The following GLI3 variants were observed in gnomAD, a reference collection of about 807,000 sequenced individuals.
The protein encoded by GLI3 is transcription activator GLI3.
Under a neutral mutation model 100.8 loss-of-function variants are expected in GLI3, and 20 were observed. The ratio of observed to expected loss-of-function variants is 0.20; its 90% CI spans 0.14 to 0.29. The LOEUF is 0.29. Ranked by LOEUF, GLI3 falls within the 10% of genes least tolerant of loss-of-function variation. The pLI is 1.00. For missense variants in GLI3, 2,040 were observed against 2,128.5 expected, an observed-to-expected ratio of 0.96 and a Z score of 0.82; for synonymous variants, 938 against 860.5, an observed-to-expected ratio of 1.09 and a Z score of -1.58.
At chr7:42,000,264 A>T (rs1583774737) in intron 10 of GLI3, among the ~76,000 whole-genome samples, 1 of 152,238 alleles carries the variant, frequency 6.6e-6, no homozygotes, top group Non-Finnish European at 1.5e-5. Context: ...ATCCAGGACA[A>T]AAGAAAGAGG....
At chr7:42,234,243 A>G (rs1335780788) in intron 1 of GLI3, among the ~76,000 whole-genome samples, 1 of 152,210 alleles carries the variant, frequency 6.6e-6, no homozygotes, top group African/African-American at 2.4e-5. Context: ...TGATCATTAA[A>G]TTGTTTCTTT....
chr7:42,005,458 T>TACACACACACACACACAC (rs3030321), intron 10 of GLI3, among the ~76,000 whole-genome samples: 10 of 143,514 alleles, frequency 7.0e-5, no homozygotes, highest in Non-Finnish European at 9.0e-5. Flanking sequence ...TGAATTCACA[T>TACACACACACACACACAC]ACACACACAC....
intron 8 of GLI3, among the ~76,000 whole-genome samples, chr7:42,025,623 A>G (rs1258155006): frequency 6.6e-6 from 1 of 152,228 alleles, no homozygotes; most frequent in African/African-American, 2.4e-5. Context: ...TTTAAAAGCT[A>G]GAAGAATGGA....
At chr7:42,174,846 C>T (rs1183597845) in intron 2 of GLI3, among the ~76,000 whole-genome samples, 6 of 152,148 alleles carry the variant, frequency 3.9e-5, no homozygotes, top group Non-Finnish European at 7.3e-5. Flanking sequence ...CTGAACTCCC[C>T]GAGCGCCATT....
intron 3 of GLI3, among the ~76,000 whole-genome samples, chr7:42,146,913 T>C (rs1413457704): frequency 6.6e-6 from 1 of 152,168 alleles, no homozygotes; most frequent in Non-Finnish European, 1.5e-5. Context: ...ACAAGCCCAA[T>C]AGCCTTCCTC....
In GLI3 at chr7:42,192,636, T is replaced by A. The variant is rs1244986967; in HGVS notation, c.124+30494A>T. On this transcript the variant is annotated intron_variant, in intron 2 of 14. Transcript: ENST00000395925. ...GGGGCGCTGGAAAGAGGATGATAAA[T>A]GTGAAAAACAAACTCTAATTTTACA... 3.9e-5 allele frequency among the ~76,000 whole-genome samples: 6 copies of A among 152,144 alleles called. No homozygotes were observed. In the East Asian group the frequency reaches 1.2e-3, roughly 29 times the overall value.
At chr7:42,086,429 T>C (rs1583544564) in intron 3 of GLI3, among the ~76,000 whole-genome samples, 1 of 152,018 alleles carries the variant, frequency 6.6e-6, no homozygotes, top group East Asian at 1.9e-4. Flanking sequence ...CACACCAGCA[T>C]CCCTAAAACC....
chr7:42,178,140 C>T (rs1034321159), intron 2 of GLI3, among the ~76,000 whole-genome samples: 3 of 152,172 alleles, frequency 2.0e-5, no homozygotes, highest in Admixed American at 6.5e-5. Context: ...GCTGAGATGT[C>T]GGCCAAAAGC....
At chr7:42,159,145 A>T (rs370421283) in intron 2 of GLI3, among the ~76,000 whole-genome samples, 2 of 152,196 alleles carry the variant, frequency 1.3e-5, no homozygotes, top group Non-Finnish European at 2.9e-5. Context: ...CAAACAAACA[A>T]AAAAAACACT....
At chr7:42,115,780 T>A (rs921680362) in intron 3 of GLI3, among the ~76,000 whole-genome samples, 1 of 152,190 alleles carries the variant, frequency 6.6e-6, no homozygotes, top group African/African-American at 2.4e-5. Flanking sequence ...GTCAGTTTTA[T>A]GCTCTCCGTG....
intron 1 of GLI3, among the ~76,000 whole-genome samples, chr7:42,244,274 A>G (rs1211629378): frequency 6.6e-6 from 1 of 152,238 alleles, no homozygotes; most frequent in Non-Finnish European, 1.5e-5. Context: ...AGAGAAACAC[A>G]TATTCCACTT....
intron 3 of GLI3, among the ~76,000 whole-genome samples, chr7:42,119,003 T>A (rs1379248208): frequency 3.3e-5 from 5 of 152,140 alleles, no homozygotes; most frequent in Admixed American, 2.0e-4. Flanking sequence ...CATATAAGCC[T>A]CCTGCAACCT....
intron 2 of GLI3, among the ~76,000 whole-genome samples, chr7:42,171,959 A>G (rs142606399): frequency 1.0e-3 from 152 of 152,228 alleles, no homozygotes; most frequent in African/African-American, 3.3e-3. Flanking sequence ...GAATAAAACA[A>G]TGTTTACGGC....
intron 2 of GLI3, among the ~76,000 whole-genome samples, chr7:42,184,599 A>G (rs1334385942): frequency 6.6e-6 from 1 of 152,164 alleles, no homozygotes; most frequent in African/African-American, 2.4e-5. Context: ...GTTTTAATGA[A>G]TGAATGAATG....
At chr7:42,192,769 C>T (rs1787852278) in intron 2 of GLI3, among the ~76,000 whole-genome samples, 1 of 152,228 alleles carries the variant, frequency 6.6e-6, no homozygotes, top group South Asian at 2.1e-4. Context: ...TCTGCTTAAG[C>T]ATACCTTGGG....
intron 3 of GLI3, among the ~76,000 whole-genome samples, chr7:42,141,442 C>G (rs895490125): frequency 6.6e-6 from 1 of 152,240 alleles, no homozygotes; most frequent in East Asian, 1.9e-4. Context: ...GAGGCTTAGG[C>G]GGACGGATCA....
chr7:42,180,085 C>A (rs1019917980), intron 2 of GLI3, among the ~76,000 whole-genome samples: 1 of 152,182 alleles, frequency 6.6e-6, no homozygotes, highest in South Asian at 2.1e-4. Context: ...CAGGTCTGAA[C>A]TCTGTGCTCT....
chr7:42,106,073 G>T (rs1785567282), intron 3 of GLI3, among the ~76,000 whole-genome samples: 1 of 152,154 alleles, frequency 6.6e-6, no homozygotes, highest in African/African-American at 2.4e-5. Context: ...AAAGAGGCAG[G>T]GGTGGAGCAG....
chr7:42,028,704 C>T (rs552058123), intron 7 of GLI3, among the ~76,000 whole-genome samples: 298 of 151,748 alleles, frequency 2.0e-3, no homozygotes, highest in African/African-American at 6.2e-3. Context: ...GCGGAGGTTG[C>T]GGTGAGCCAA....
Sources: gnomAD v4.1 joint callset for allele counts (sites outside exome capture counted in the v4.1 genomes callset) on GRCh38, gnomAD v4.1.1 for gene constraint, MANE v1.5 for transcripts, NCBI Gene and HGNC (gene_info 2026-07-23, HGNC 2026-07-21) for gene names.